POU6F1: variants seen among roughly 807,000 people sequenced by gnomAD.
POU6F1 encodes POU domain, class 6, transcription factor 1.
POU6F1 carries 9 observed loss-of-function variants against 28.9 expected under a neutral mutation model. The ratio of observed to expected loss-of-function variants is 0.31; its 90% CI spans 0.19 to 0.54. The LOEUF is 0.54. POU6F1 is among the 20% of genes least tolerant of loss of function. POU6F1 has a pLI of 0.94. For missense variants in POU6F1, 338 were observed against 426.1 expected (o/e 0.79, Z 1.82); for synonymous variants, 173 against 171.1 (o/e 1.01, Z -0.09).
chr12:51,193,315 C>T (rs895719792), intron 8 of POU6F1, among the ~76,000 whole-genome samples: 2 of 152,224 alleles, frequency 1.3e-5, no homozygotes, highest in African/African-American at 4.8e-5. Flanking sequence ...TGGTCGGGCG[C>T]GGTGGCTCAC....
intron 1 of POU6F1, among the ~76,000 whole-genome samples, chr12:51,208,920 G>A (rs1943808719): frequency 6.6e-6 from 1 of 152,148 alleles, no homozygotes; most frequent in African/African-American, 2.4e-5. Flanking sequence ...CTGGGCAACA[G>A]AGAGACCCCA....
chr12:51,195,943 AC>A (rs1294589608), intron 8 of POU6F1, 26 bp downstream of exon 8: 24 of 162,522 alleles, frequency 1.5e-4, no homozygotes, highest in East Asian at 4.6e-4. Flanking sequence ...AGCCTGCCCC[AC>A]CCCCCACCCC....
In POU6F1 at chr12:51,190,559, G is replaced by C. The variant is rs767073212; in HGVS notation, c.1524C>G (p.Ala508=). Residue 508 remains alanine, a synonymous_variant, in exon 11 of 11, where the codon GCC becomes GCG. Transcript: ENST00000333640. The surrounding 1 kb of genome is among the most constrained non-coding windows in gnomAD (Gnocchi z 4.5). ...TTTCCAGCACCGGCTTTAGCTTCTG[G>C]GCACTCTTGGGTGTGATGTCTAGCT... The part of the protein sequence containing the change: ...FEKLDITPKS[A]QKLKPVLEKW... 4.3e-6 allele frequency: 7 copies of C among 1,613,916 alleles called. No individual in the cohort carries two copies. Among genetic ancestry groups the C allele is most frequent in the Admixed American group, 1.7e-5 (1 of 59,984 alleles).
chr12:51,204,252 C>G lies in POU6F1; in HGVS notation c.165G>C (p.Gln55His). 2.5e-6 allele frequency: 1 copy of G among 399,134 alleles called. No homozygotes were observed. Among genetic ancestry groups the G allele is most frequent in the Non-Finnish European group, 4.4e-6 (1 of 226,158 alleles). The allele number at this position is 399,134 out of a possible 1,614,324, so 24.7% of individuals were successfully genotyped here. A position where few individuals can be genotyped will look rare whatever the true frequency, so the allele number is the denominator to read the frequency against. ...GACTGGCTTCAGCAGGGTCTCCGCT[C>G]TGGGAGCCCTCGGCGGCCACACCCT... ...GLEGVAAEGS[Q>H]SGDPAEASQA... is the part of the protein sequence containing the mutation. Residue 55 changes from glutamine (Q) to histidine (H), a missense_variant, in exon 3 of 11, where the codon CAG (glutamine) becomes CAC (histidine). Physicochemically the swap from Gln to His is conservative, Grantham distance 24. Around this residue, in one of 3 missense-constraint regions of POU6F1, gnomAD observed 206 missense variants for 225.6 expected, o/e 0.91. Transcript: ENST00000333640.
At chr12:51,195,918 G>A (rs1393173970) in intron 8 of POU6F1, 52 bp downstream of exon 8, 9 of 1,495,612 alleles carry the variant, frequency 6.0e-6, no homozygotes, top group African/African-American at 1.4e-5. Context: ...GGAAGCAGCC[G>A]GTGCCAGATA....
intron 1 of POU6F1, among the ~76,000 whole-genome samples, chr12:51,209,615 C>A (rs1425258080): frequency 6.6e-6 from 1 of 152,082 alleles, no homozygotes. Context: ...TTTTTGAACA[C>A]CTGCTTCCAA....
At chr12:51,191,427 T>G (rs1942397651) in intron 10 of POU6F1, among the ~76,000 whole-genome samples, 169 bp downstream of exon 10, 1 of 152,238 alleles carries the variant, frequency 6.6e-6, no homozygotes, top group South Asian at 2.1e-4. Context: ...GGTCAGCCTT[T>G]GACTGCCCCA....
In POU6F1 at chr12:51,197,817, G is replaced by C. The variant is rs1016132622; in HGVS notation, c.799C>G (p.Pro267Ala). Residue 267 changes from proline to alanine, a missense_variant, in exon 6 of 11, where the codon CCA becomes GCA. Physicochemically the swap from Pro to Ala is conservative, Grantham distance 27. This residue lies in a region of POU6F1 where 206 missense variants were observed against 225.6 expected (regional missense o/e 0.91). Transcript: ENST00000333640. ...CCTGCAGGCTGGACGGTGATCTGTG[G>C]GGGGGTGTCCACTGGCTTGGGGGTA... is the stretch of plus-strand genomic sequence containing the variant. ...APTPKPVDTP[P>A]QITVQPAGFA... is the part of the protein sequence containing the mutation. The C allele has an allele frequency of 1.5e-5, 6 of 401,278 alleles. No individual in the cohort carries two copies. Among genetic ancestry groups the C allele is most frequent in the African/African-American group, 8.2e-5 (4 of 48,588 alleles). The allele number at this position is 401,278 out of a possible 1,614,324, so 24.9% of individuals were successfully genotyped here. A position where few individuals can be genotyped will look rare whatever the true frequency, so the allele number is the denominator to read the frequency against.
At position 51,196,939 on chromosome 12, in the gene POU6F1, G is replaced by A; in HGVS notation, c.847-12C>T. The A allele has an allele frequency of 8.6e-6, 13 of 1,515,480 alleles. No individual in the cohort carries two copies. In the South Asian group the frequency reaches 1.5e-4, roughly 17 times the overall value. The allele number at this position is 1,515,480 out of a possible 1,614,324, so 93.9% of individuals were successfully genotyped here. ...GAAGCAGCACTGATCTGTGGGTGGA[G>A]GAAGAGCCTTGCTCAGAAGCCAAGG... On this transcript the variant is annotated splice_polypyrimidine_tract_variant and intron_variant, in intron 6 of 10. Transcript: ENST00000333640.
chr12:51,188,484 GTGTA>G lies in POU6F1; in HGVS notation c.*1759_*1762del, dbSNP rs1256644842. ...ATGGTTTGTCCAAATGCAGCAGAGC[GTGTA>G]TGTGTGTGTGTGTGCGCGCGTCTGT... is the stretch of plus-strand genomic sequence containing the variant. On this transcript the variant is annotated 3_prime_UTR_variant, in exon 11 of 11. Transcript: ENST00000333640. The G allele has an allele frequency of 1.3e-5, 2 of 152,310 alleles. No individual in the cohort carries two copies. Among genetic ancestry groups the G allele is most frequent in the Admixed American group, 1.3e-4 (2 of 15,290 alleles). 9.4% of individuals were successfully genotyped at this position (152,310 alleles called of 1,614,324 possible).
chr12:51,204,867 A>G (rs888925887), intron 2 of POU6F1, among the ~76,000 whole-genome samples: 10 of 152,096 alleles, frequency 6.6e-5, no homozygotes, highest in African/African-American at 2.2e-4. Context: ...ATGGAAAATG[A>G]ATGCTCCACA....
chr12:51,190,126 GATGA>G lies in POU6F1; in HGVS notation c.*117_*120del, dbSNP rs1418255024. On this transcript the variant is annotated 3_prime_UTR_variant, in exon 11 of 11. Transcript: ENST00000333640. This position sits in a 1 kb window ranked among gnomAD's most constrained non-coding sequence, Gnocchi z 4.5. The stretch of plus-strand genomic sequence containing the variant: ...GATGCACATGCACACGGTGGAGTCT[GATGA>G]CCTGGGGTGAGCACAGCTGCACGTG... The G allele has an allele frequency of 7.0e-7, 1 of 1,432,658 alleles. No homozygotes were observed. The highest frequency in any genetic ancestry group is 1.4e-5 in the African/African-American group (1 of 69,978). 88.7% of individuals were successfully genotyped at this position (1,432,658 alleles called of 1,614,324 possible).
At chr12:51,191,907 C>A (rs1942443153) in intron 9 of POU6F1, 143 bp from the exon 10 acceptor site, 3 of 1,047,150 alleles carry the variant, frequency 2.9e-6, no homozygotes, top group Middle Eastern at 3.0e-4. Context: ...CTCTTATCAC[C>A]TTTGTCCCCA....
rs1014334620 is a variant in POU6F1, at chr12:51,199,855, C to T, written c.258G>A (p.Pro86=). ...SSAEATVKSP[P]GIPPSPATAI... is the part of the protein sequence containing the mutation. ...CAGTGGCAGGGCTCGGAGGGATCCC[C>T]GGGGGTGACTTCACTTCACAAGGCA... is the stretch of plus-strand genomic sequence containing the variant. Residue 86 remains proline (P), a synonymous_variant, in exon 4 of 11, where the codon CCG becomes CCA. Coordinates refer to ENST00000333640, the MANE Select transcript of POU6F1 (RefSeq NM_001330422.2). This position sits in a 1 kb window ranked among gnomAD's most constrained non-coding sequence, Gnocchi z 4.1. The T allele has an allele frequency of 1.8e-5, 7 of 399,172 alleles. No individual in the cohort carries two copies. The highest frequency in any genetic ancestry group is 1.4e-4 in the African/African-American group (7 of 48,622). The allele number at this position is 399,172 out of a possible 1,614,324, so 24.7% of individuals were successfully genotyped here. A position where few individuals can be genotyped will look rare whatever the true frequency, so the allele number is the denominator to read the frequency against.
At position 51,217,654 on chromosome 12, in the gene POU6F1, C is replaced by A. The variant is rs947843755; in HGVS notation, c.-60G>T. ...CCCCGCTACTTACCGGAGCCCGAGCCCGAGCCGCCTTCGCCGCGGGTGTCT... is the reference window on the plus strand; with the variant it reads ...CCCCGCTACTTACCGGAGCCCGAGCACGAGCCGCCTTCGCCGCGGGTGTCT... On this transcript the variant is annotated 5_prime_UTR_variant, in exon 1 of 11. Transcript: ENST00000333640. This position sits in a 1 kb window ranked among gnomAD's most constrained non-coding sequence, Gnocchi z 5.3. The A allele has an allele frequency of 6.6e-6, 1 of 152,108 alleles. No individual in the cohort carries two copies. Among genetic ancestry groups the A allele is most frequent in the Non-Finnish European group, 1.5e-5 (1 of 67,972 alleles). The allele number at this position is 152,108 out of a possible 1,614,324, so 9.4% of individuals were successfully genotyped here.
rs1322799932 is a variant in POU6F1, at chr12:51,190,443, C to T, written c.1640G>A (p.Arg547His). 7 of 1,614,116 alleles carry T rather than the reference C, an allele frequency of 4.3e-6. No homozygotes were observed. Among genetic ancestry groups the T allele is most frequent in the Middle Eastern group, 1.6e-4 (1 of 6,062 alleles). Residue 547 changes from arginine (R) to histidine (H), a missense_variant, in exon 11 of 11, where the codon CGC (arginine) becomes CAC (histidine). Physicochemically the swap from Arg to His is conservative, Grantham distance 29. Coordinates refer to ENST00000333640, the MANE Select transcript of POU6F1 (RefSeq NM_001330422.2). The surrounding 1 kb of genome is among the most constrained non-coding windows in gnomAD (Gnocchi z 4.5). ...VGGEPSKKRK[R>H]RTSFTPQAIE... ...GGCCTGGGGGGTGAAGGAGGTGCGG[C>T]GTTTGCGTTTCTTGGAGGGCTCGCC...
intron 3 of POU6F1, among the ~76,000 whole-genome samples, chr12:51,200,318 G>A (rs1704935655): frequency 1.3e-5 from 2 of 152,212 alleles, no homozygotes; most frequent in South Asian, 2.1e-4. Context: ...ACTTTTGGAT[G>A]CAGCTGCTGA....
intron 1 of POU6F1, among the ~76,000 whole-genome samples, chr12:51,214,534 A>G (rs937292447): frequency 1.3e-5 from 2 of 152,172 alleles, no homozygotes; most frequent in African/African-American, 4.8e-5. Context: ...GCCTGTCCCC[A>G]CACCCTGAAC....
intron 8 of POU6F1, among the ~76,000 whole-genome samples, chr12:51,192,879 T>G (rs1180840675): frequency 6.7e-6 from 1 of 149,536 alleles, no homozygotes; most frequent in Non-Finnish European, 1.5e-5. Context: ...CACTCCAGAC[T>G]GGGCGACAGA....
Sources: gnomAD v4.1 joint callset for allele counts (sites outside exome capture counted in the v4.1 genomes callset) on GRCh38, gnomAD v4.1.1 for gene constraint, gnomAD v4.1.1 regional missense constraint, Gnocchi (gnomAD v3.1) non-coding constraint, MANE v1.5 for transcripts, NCBI Gene and HGNC (gene_info 2026-07-23, HGNC 2026-07-21) for gene names.